KLHL28: variants seen among roughly 807,000 people sequenced by gnomAD.
KLHL28 encodes kelch like family member 28.
In KLHL28, 22 loss-of-function variants were observed where a neutral mutation model predicts 48.3. That is an observed-to-expected ratio of 0.46 (90% CI 0.33 to 0.65). The LOEUF is 0.65. Ranked by LOEUF, KLHL28 falls within the 30% of genes least tolerant of loss-of-function variation. KLHL28 has a pLI of 0.03. For missense variants in KLHL28, 527 were observed against 704.3 expected, an observed-to-expected ratio of 0.75 and a Z score of 2.85; for synonymous variants, 243 against 242.4, an observed-to-expected ratio of 1.00 and a Z score of -0.02.
chr14:44,948,887 A>G (rs915105917), intron 1 of KLHL28, among the ~76,000 whole-genome samples: 1 of 152,130 alleles, frequency 6.6e-6, no homozygotes, highest in African/African-American at 2.4e-5. Context: ...ATCCCTTTAC[A>G]TGCAATTAAT....
intron 1 of KLHL28, among the ~76,000 whole-genome samples, chr14:44,946,847 C>T (rs530943696): frequency 1.3e-5 from 2 of 152,326 alleles, no homozygotes; most frequent in South Asian, 2.1e-4. Context: ...TGGGCCACCA[C>T]ACCCGGCCTC....
intron 1 of KLHL28, among the ~76,000 whole-genome samples, chr14:44,952,093 T>C (rs1482439621): frequency 6.6e-6 from 1 of 152,094 alleles, no homozygotes; most frequent in Non-Finnish European, 1.5e-5. Context: ...ACTCCTGGAC[T>C]CAAACGATCA....
chr14:44,930,453 G>T (rs1350451508), intron 4 of KLHL28, among the ~76,000 whole-genome samples: 2 of 151,966 alleles, frequency 1.3e-5, no homozygotes, highest in Admixed American at 1.3e-4. Context: ...TAGTAGAGAT[G>T]GGGTTTCAAC....
At position 44,945,778 on chromosome 14, in the gene KLHL28, C is replaced by G; in HGVS notation, c.151G>C (p.Val51Leu). ...VGDVKIHAHK[V>L]VLASVSPYFK... ...TACGGGCTGACGCTGGCAAGTACCACTTTGTGAGCATGAATTTTAACATCA... is the reference window on the plus strand; with the variant it reads ...TACGGGCTGACGCTGGCAAGTACCAGTTTGTGAGCATGAATTTTAACATCA... Residue 51 changes from valine (V) to leucine (L), a missense_variant, in exon 2 of 5, where the codon GTG becomes CTG. Physicochemically the swap from Val to Leu is conservative, Grantham distance 32. Coordinates refer to ENST00000396128, the MANE Select transcript of KLHL28 (RefSeq NM_017658.5). The G allele has an allele frequency of 6.2e-7, 1 of 1,614,140 alleles. No homozygotes were observed. Among genetic ancestry groups the G allele is most frequent in the African/African-American group, 1.3e-5 (1 of 75,046 alleles).
At chr14:44,957,185 AT>A in intron 1 of KLHL28, among the ~76,000 whole-genome samples, 1 of 152,252 alleles carries the variant, frequency 6.6e-6, no homozygotes, top group East Asian at 1.9e-4. Context: ...ATAATAGGGG[AT>A]GAGGTTGTGG....
At chr14:44,951,314 C>G (rs891738688) in intron 1 of KLHL28, among the ~76,000 whole-genome samples, 1 of 152,184 alleles carries the variant, frequency 6.6e-6, no homozygotes, top group African/African-American at 2.4e-5. Context: ...CTCTCATATT[C>G]CAGGAGAATC....
At chr14:44,957,248 G>A (rs981388842) in intron 1 of KLHL28, among the ~76,000 whole-genome samples, 1 of 152,152 alleles carries the variant, frequency 6.6e-6, no homozygotes, top group Non-Finnish European at 1.5e-5. Flanking sequence ...ATGCGTGATA[G>A]GTAAATAGAT....
intron 2 of KLHL28, among the ~76,000 whole-genome samples, chr14:44,939,213 G>T (rs1193238308): frequency 6.6e-6 from 1 of 152,162 alleles, no homozygotes; most frequent in Non-Finnish European, 1.5e-5. Flanking sequence ...CAGTGAGCAT[G>T]TGGAGGGTGT....
chr14:44,928,944 T>C lies in KLHL28; in HGVS notation c.*84A>G. 7.9e-7 allele frequency: 1 copy of C among 1,263,544 alleles called. No homozygotes were observed. The highest frequency in any genetic ancestry group is 1.1e-6 in the Non-Finnish European group (1 of 894,968). The allele number at this position is 1,263,544 out of a possible 1,614,324, so 78.3% of individuals were successfully genotyped here. ...CAAGTTAAAAAGAAAGCAATGCAGC[T>C]TGTGGGTTTCAGAAAACTGGGCCAT... On this transcript the variant is annotated 3_prime_UTR_variant, in exon 5 of 5. Transcript: ENST00000396128.
rs1883464560 is a variant in KLHL28, at chr14:44,928,785, C to A, written c.*243G>T. 1.0e-5 allele frequency: 3 copies of A among 287,510 alleles called. No homozygotes were observed. Among genetic ancestry groups the A allele is most frequent in the Non-Finnish European group, 1.9e-5 (3 of 155,604 alleles). The allele number at this position is 287,510 out of a possible 1,614,324, so 17.8% of individuals were successfully genotyped here. Reference sequence around the variant, plus strand: ...GTCTTGGGGGAAAAAGTGCAGAATTCAATTGGCAAAGTCTTTACTTTTTTT... The same window carrying A: ...GTCTTGGGGGAAAAAGTGCAGAATTAAATTGGCAAAGTCTTTACTTTTTTT... On this transcript the variant is annotated 3_prime_UTR_variant, in exon 5 of 5. Coordinates refer to ENST00000396128, the MANE Select transcript of KLHL28 (RefSeq NM_017658.5).
intron 1 of KLHL28, among the ~76,000 whole-genome samples, chr14:44,949,248 T>C (rs1228498836): frequency 1.3e-5 from 2 of 152,100 alleles, no homozygotes; most frequent in Non-Finnish European, 2.9e-5. Flanking sequence ...TTATTAAAGA[T>C]TTGACTTGTG....
chr14:44,949,277 T>C (rs953511779), intron 1 of KLHL28, among the ~76,000 whole-genome samples: 13 of 152,118 alleles, frequency 8.5e-5, no homozygotes, highest in African/African-American at 2.7e-4. Flanking sequence ...TAAGAAGATG[T>C]AGAGATCTTT....
Position 44,924,494 on chromosome 14 carries a change from T to G in KLHL28, c.*4534A>C, listed in dbSNP as rs369926539. 2 of 152,588 alleles carry G rather than the reference T, an allele frequency of 1.3e-5. No homozygotes were observed. Among genetic ancestry groups the G allele is most frequent in the African/African-American group, 4.8e-5 (2 of 41,438 alleles). The allele number at this position is 152,588 out of a possible 1,614,324, so 9.5% of individuals were successfully genotyped here. On this transcript the variant is annotated 3_prime_UTR_variant, in exon 5 of 5. Coordinates refer to ENST00000396128, the MANE Select transcript of KLHL28 (RefSeq NM_017658.5). ...TGTAAACATAAATAAAATAAAACCC[T>G]GATGCTAAAAAGGTACATGTTCAGA... is the stretch of plus-strand genomic sequence containing the variant.
At chr14:44,947,279 T>C (rs1438042987) in intron 1 of KLHL28, among the ~76,000 whole-genome samples, 1 of 152,114 alleles carries the variant, frequency 6.6e-6, no homozygotes, top group Non-Finnish European at 1.5e-5. Flanking sequence ...CACCAGAAGC[T>C]AGAAGAGCCA....
rs139707349 is a variant in KLHL28, at chr14:44,935,890, G to GTATATATATATATATATATA, written c.900-1333_900-1332insTATATATATATATATATATA. ...TATGTGTATGTATATATATATGTGT[G>GTATATATATATATATATATA]TATATATATATATCTTTACCCTCCC... On this transcript the variant is annotated intron_variant, in intron 2 of 4. Coordinates refer to ENST00000396128, the MANE Select transcript of KLHL28 (RefSeq NM_017658.5). Among the ~76,000 whole-genome samples, 153 of 59,140 alleles carry GTATATATATATATATATATA rather than the reference G, an allele frequency of 2.6e-3. 21 individuals are homozygous for GTATATATATATATATATATA. Among genetic ancestry groups the GTATATATATATATATATATA allele is most frequent in the South Asian group, 3.6e-3 (5 of 1,400 alleles). 38.8% of individuals were successfully genotyped at this position (59,140 alleles called of 152,430 possible).
At chr14:44,933,989 C>G (rs1216262963) in intron 3 of KLHL28, 126 bp downstream of exon 3, 2 of 641,488 alleles carry the variant, frequency 3.1e-6, no homozygotes, top group East Asian at 2.8e-5. Flanking sequence ...ATCCATGGAG[C>G]AGATTAAGTT....
Position 44,934,339 on chromosome 14 carries a change from A to G in KLHL28, c.1119T>C (p.Asn373=). 6.2e-7 allele frequency: 1 copy of G among 1,614,150 alleles called. No homozygotes were observed. Among genetic ancestry groups the G allele is most frequent in the Non-Finnish European group, 8.5e-7 (1 of 1,180,018 alleles). Residue 373 remains asparagine (N), a synonymous_variant, in exon 3 of 5, where the codon AAT becomes AAC. Transcript: ENST00000396128. ...TNTWTSLERM[N]ESRSTLGVVV... Reference sequence around the variant, plus strand: ...CTACTCCAAGAGTACTTCGGCTTTCATTCATTCTCTCTAGAGAAGTCCAAG... The same window carrying G: ...CTACTCCAAGAGTACTTCGGCTTTCGTTCATTCTCTCTAGAGAAGTCCAAG...
intron 1 of KLHL28, among the ~76,000 whole-genome samples, chr14:44,948,628 T>C (rs2138642792): frequency 6.6e-6 from 1 of 152,250 alleles, no homozygotes; most frequent in East Asian, 1.9e-4. Context: ...TGTACTAAAT[T>C]GCCACTTCCC....
rs767205283 is a variant in KLHL28, at chr14:44,925,700, A to G, written c.*3328T>C. The G allele has an allele frequency of 6.6e-6, 1 of 152,306 alleles. No individual in the cohort carries two copies. Among genetic ancestry groups the G allele is most frequent in the South Asian group, 2.1e-4 (1 of 4,834 alleles). 9.4% of individuals were successfully genotyped at this position (152,306 alleles called of 1,614,324 possible). A position where few individuals can be genotyped will look rare whatever the true frequency, so the allele number is the denominator to read the frequency against. ...TGTTAAATTATCAAAATAAAATTTC[A>G]AAACCTAATGCCATTTTCCTATCAC... On this transcript the variant is annotated 3_prime_UTR_variant, in exon 5 of 5. Transcript: ENST00000396128.
Sources: gnomAD v4.1 joint callset for allele counts (sites outside exome capture counted in the v4.1 genomes callset) on GRCh38, gnomAD v4.1.1 for gene constraint, MANE v1.5 for transcripts, NCBI Gene and HGNC (gene_info 2026-07-23, HGNC 2026-07-21) for gene names.